Variants in PKD1L1 observed in about 807,000 individuals in gnomAD.
PKD1L1 encodes polycystin-1-like protein 1.
Under a neutral mutation model 323.4 loss-of-function variants are expected in PKD1L1, and 236 were observed. The observed-to-expected ratio is 0.73, with a 90% CI of 0.66 to 0.81. PKD1L1 has a LOEUF of 0.81. PKD1L1 is among the 40% of genes least tolerant of loss of function. The pLI is 0.00. For missense variants in PKD1L1, 3,320 were observed against 3,508.0 expected (o/e 0.95, Z 1.35); for synonymous variants, 1,344 against 1,335.0 (o/e 1.01, Z -0.15).
chr7:47,828,477 G>A (rs1326227859), intron 44 of PKD1L1, among the ~76,000 whole-genome samples: 1 of 152,054 alleles, frequency 6.6e-6, no homozygotes, highest in Non-Finnish European at 1.5e-5. Context: ...GGCGGGGGGT[G>A]CAGGAGGAAA....
Position 47,858,845 on chromosome 7 carries a change from C to T in PKD1L1, c.4190G>A (p.Arg1397Gln), listed in dbSNP as rs745939563. Reference protein sequence around the residue: ...MSAVLILKYTRALLAQGQFSG... With the variant: ...MSAVLILKYTQALLAQGQFSG... ...GAACTGGCCTTGAGCAAGGAGTGCCCGGGTGTACTTGAGGATGAGAACCGC... is the reference window on the plus strand; with the variant it reads ...GAACTGGCCTTGAGCAAGGAGTGCCTGGGTGTACTTGAGGATGAGAACCGC... Residue 1397 changes from arginine (R) to glutamine (Q), a missense_variant, in exon 27 of 57, where the codon CGG becomes CAG. By Grantham distance (43) the Arg-to-Gln change is conservative (BLOSUM62 1). Coordinates refer to ENST00000289672, the MANE Select transcript of PKD1L1 (RefSeq NM_138295.5). 4 of 1,613,890 alleles carry T rather than the reference C, an allele frequency of 2.5e-6. No individual in the cohort carries two copies. The East Asian group carries it at 8.9e-5, about 36-fold the overall frequency.
intron 53 of PKD1L1, among the ~76,000 whole-genome samples, chr7:47,802,733 C>T (rs894455734): frequency 5.3e-5 from 8 of 152,192 alleles, no homozygotes; most frequent in South Asian, 4.1e-4. Context: ...CCTGTTGATT[C>T]GGAGCTTCAC....
intron 36 of PKD1L1, among the ~76,000 whole-genome samples, chr7:47,837,433 C>T (rs150708346): frequency 6.6e-6 from 1 of 152,212 alleles, no homozygotes; most frequent in Non-Finnish European, 1.5e-5. Context: ...TGGACTCTGG[C>T]TCACCTGGCC....
chr7:47,778,108 A>G (rs1786610620), intron 56 of PKD1L1, among the ~76,000 whole-genome samples: 1 of 152,210 alleles, frequency 6.6e-6, no homozygotes, highest in African/African-American at 2.4e-5. Context: ...AGGAGACACA[A>G]GAAGTACAAA....
At position 47,886,061 on chromosome 7, in the gene PKD1L1, C is replaced by T. The variant is rs369890304; in HGVS notation, c.2837-7G>A. 43 of 1,597,246 alleles carry T rather than the reference C, an allele frequency of 2.7e-5. No homozygotes were observed. The highest frequency in any genetic ancestry group is 1.7e-4 in the Middle Eastern group (1 of 5,996). On this transcript the variant is annotated splice_polypyrimidine_tract_variant and splice_region_variant and intron_variant, in intron 17 of 56. Coordinates refer to ENST00000289672, the MANE Select transcript of PKD1L1 (RefSeq NM_138295.5). Reference sequence around the variant, plus strand: ...ACTACTCTGCAGAAGGGAACTTAAGCAAACGTTTGGCAGTGTTAGAATTTT... The same window carrying T: ...ACTACTCTGCAGAAGGGAACTTAAGTAAACGTTTGGCAGTGTTAGAATTTT...
intron 26 of PKD1L1, among the ~76,000 whole-genome samples, chr7:47,861,526 G>A (rs1233074777): frequency 6.6e-6 from 1 of 152,204 alleles, no homozygotes; most frequent in Non-Finnish European, 1.5e-5. Context: ...GCCTACGTTG[G>A]GTTGTGTGCA....
chr7:47,843,545 C>T (rs1465969514), intron 33 of PKD1L1, among the ~76,000 whole-genome samples: 1 of 152,144 alleles, frequency 6.6e-6, no homozygotes, highest in African/African-American at 2.4e-5. Flanking sequence ...CATGCAGGTG[C>T]CATTATGTTC....
chr7:47,896,075 G>A (rs1470860480), intron 14 of PKD1L1, among the ~76,000 whole-genome samples: 1 of 152,076 alleles, frequency 6.6e-6, no homozygotes, highest in Admixed American at 6.5e-5. Flanking sequence ...GATGGCTCAC[G>A]CCTATAATCC....
At chr7:47,805,714 C>T (rs1278196081) in intron 52 of PKD1L1, among the ~76,000 whole-genome samples, 1 of 152,194 alleles carries the variant, frequency 6.6e-6, no homozygotes, top group East Asian at 1.9e-4. Context: ...CATTATAGTT[C>T]TGTGCTTAGG....
intron 7 of PKD1L1, among the ~76,000 whole-genome samples, chr7:47,919,696 G>A (rs1787496704): frequency 6.6e-6 from 1 of 152,176 alleles, no homozygotes. Flanking sequence ...TACGAGGGAT[G>A]CAGGTATGGT....
intron 7 of PKD1L1, among the ~76,000 whole-genome samples, chr7:47,928,232 T>C: frequency 6.6e-6 from 1 of 152,050 alleles, no homozygotes; most frequent in Non-Finnish European, 1.5e-5. Flanking sequence ...TGTGGGAGTT[T>C]ACACCATGAG....
rs546772472 is a variant in PKD1L1, at chr7:47,826,836, T to C, written c.6854+514A>G. On this transcript the variant is annotated intron_variant, in intron 45 of 56. Transcript: ENST00000289672. ...ATCTAAAAGAATTCAAAATATTTTA[T>C]GAGAACCATAACACAGCTGTGCATA... Among the ~76,000 whole-genome samples the C allele has an allele frequency of 1.1e-4, 17 of 152,342 alleles. No homozygotes were observed. The East Asian group carries it at 3.3e-3, about 29-fold the overall frequency.
Position 47,833,096 on chromosome 7 carries a change from T to C in PKD1L1, c.6331A>G (p.Thr2111Ala). 6.2e-7 allele frequency: 1 copy of C among 1,610,532 alleles called. No individual in the cohort carries two copies. Among genetic ancestry groups the C allele is most frequent in the Non-Finnish European group, 8.5e-7 (1 of 1,178,522 alleles). The change falls in exon 41 of 57, where the codon ACT becomes GCT. Residue 2111 changes from threonine to alanine, a missense_variant. By Grantham distance (58) the Thr-to-Ala change is moderately conservative. Coordinates refer to ENST00000289672, the MANE Select transcript of PKD1L1 (RefSeq NM_138295.5). Reference protein sequence around the residue: ...MGKSHCCPPHTQAPSSGLEGL... With the variant: ...MGKSHCCPPHAQAPSSGLEGL... ...GGTTGCAAGCCACAGTTACCTTGAGTGTGGGGAGGGCAGCAGTGGCTTTTC... is the reference window on the plus strand; with the variant it reads ...GGTTGCAAGCCACAGTTACCTTGAGCGTGGGGAGGGCAGCAGTGGCTTTTC...
At position 47,919,782 on chromosome 7, in the gene PKD1L1, T is replaced by G. The variant is rs1177568162; in HGVS notation, c.1061-4183A>C. Among the ~76,000 whole-genome samples, 3 of 152,254 alleles carry G rather than the reference T, an allele frequency of 2.0e-5. No homozygotes were observed. In the East Asian group the frequency reaches 5.8e-4, roughly 29 times the overall value. On this transcript the variant is annotated intron_variant, in intron 7 of 56. Transcript: ENST00000289672. Reference sequence around the variant, plus strand: ...AACAAAAATCACATGATCATCTCAATAGATGCAGAAAAAGCATTCAACAAA... The same window carrying G: ...AACAAAAATCACATGATCATCTCAAGAGATGCAGAAAAAGCATTCAACAAA...
At chr7:47,959,092 G>C in the PKD1L1 span, among the ~76,000 whole-genome samples, 2 of 152,218 alleles carry the variant, frequency 1.3e-5, no homozygotes, top group Non-Finnish European at 2.9e-5. Context: ...CCGAGGTGCC[G>C]GGATTGCAGA....
rs545754725 is a variant in PKD1L1, at chr7:47,860,468, T to C, written c.4150-1583A>G. On this transcript the variant is annotated intron_variant, in intron 26 of 56. Transcript: ENST00000289672. ...AATGAAACTGAGATTCTGTTTTCTA[T>C]TGGCCAGGCTTATTTAACCACAATG... 2.6e-5 allele frequency among the ~76,000 whole-genome samples: 4 copies of C among 152,352 alleles called. No individual in the cohort carries two copies. The South Asian group carries it at 6.2e-4, about 24-fold the overall frequency.
At chr7:47,784,038 C>T (rs1292681099) in intron 56 of PKD1L1, among the ~76,000 whole-genome samples, 5 of 152,198 alleles carry the variant, frequency 3.3e-5, no homozygotes, top group Non-Finnish European at 7.3e-5. Context: ...TGGTTTATAT[C>T]CTTAGTGCCT....
the PKD1L1 span, among the ~76,000 whole-genome samples, chr7:47,957,707 G>A: frequency 6.6e-6 from 1 of 151,864 alleles, no homozygotes; most frequent in East Asian, 1.9e-4. Flanking sequence ...TGTTGCTCAG[G>A]CTGGTGGCAA....
In PKD1L1 at chr7:47,932,024, C is replaced by G. The variant is rs372170621; in HGVS notation, c.431G>C (p.Arg144Thr). Residue 144 changes from arginine (R) to threonine (T), a missense_variant, in exon 5 of 57, where the codon AGG becomes ACG. Physicochemically the swap from Arg to Thr is moderately conservative, Grantham distance 71. Transcript: ENST00000289672. ...CCTGGGGCCACCACTGCTCCAGGCC[C>G]TTGCGATTATAATGAAAGGTTTGTG... ...IPHKPFIIIA[R>T]AWSSGGPRFH... The G allele has an allele frequency of 1.9e-6, 3 of 1,613,322 alleles. No homozygotes were observed. Among genetic ancestry groups the G allele is most frequent in the Non-Finnish European group, 2.5e-6 (3 of 1,179,566 alleles).
Sources: gnomAD v4.1 joint callset for allele counts (sites outside exome capture counted in the v4.1 genomes callset) on GRCh38, gnomAD v4.1.1 for gene constraint, MANE v1.5 for transcripts, NCBI Gene and HGNC (gene_info 2026-07-23, HGNC 2026-07-21) for gene names.